Variants in RPS6KB1 observed in about 807,000 individuals in gnomAD.
RPS6KB1 encodes ribosomal protein S6 kinase B1.
In RPS6KB1, 12 loss-of-function variants were observed where a neutral mutation model predicts 70.2. The observed-to-expected ratio is 0.17, with a 90% CI of 0.11 to 0.28. The LOEUF is 0.28. Among genes scored for constraint, RPS6KB1 ranks in the 10% least tolerant of loss-of-function variants. The pLI, the probability that RPS6KB1 is intolerant of heterozygous loss-of-function variation, is 1.00. For missense variants in RPS6KB1, 270 were observed against 646.6 expected (o/e 0.42, Z 6.32); for synonymous variants, 175 against 211.2 (o/e 0.83, Z 1.49).
At chr17:59,930,054 C>G (rs763666497) in intron 5 of RPS6KB1, 63 bp from the exon 6 acceptor site, 23 of 864,218 alleles carry the variant, frequency 2.7e-5, no homozygotes, top group Non-Finnish European at 4.4e-5. Context: ...CAAACTCTCT[C>G]ATTAGAAGTG....
At chr17:59,921,653 T>C (rs2043271455) in intron 4 of RPS6KB1, among the ~76,000 whole-genome samples, 1 of 152,146 alleles carries the variant, frequency 6.6e-6, no homozygotes, top group African/African-American at 2.4e-5. Flanking sequence ...TTACTTCTTA[T>C]AGGAATGGTA....
chr17:59,909,233 T>C (rs2042471586), intron 1 of RPS6KB1, among the ~76,000 whole-genome samples: 1 of 3,072 alleles, frequency 3.3e-4, no homozygotes, highest in Non-Finnish European at 9.3e-4. Flanking sequence ...TGGCTTTTTT[T>C]TTTTTTTTTT....
intron 13 of RPS6KB1, among the ~76,000 whole-genome samples, chr17:59,941,363 T>C (rs1163099019): frequency 6.7e-6 from 1 of 149,524 alleles, no homozygotes; most frequent in Non-Finnish European, 1.5e-5. Context: ...CCTTGTAGCC[T>C]AGGCTGGGTG....
intron 12 of RPS6KB1, among the ~76,000 whole-genome samples, chr17:59,938,184 T>TTTGG (rs1568492712): frequency 3.7e-5 from 4 of 109,134 alleles, no homozygotes; most frequent in Admixed American, 1.0e-4. Flanking sequence ...TTTTTTTTTT[T>TTTGG]GGGGGGGGGA....
At chr17:59,914,389 T>G (rs193258952) in intron 3 of RPS6KB1, among the ~76,000 whole-genome samples, 1 of 152,300 alleles carries the variant, frequency 6.6e-6, no homozygotes, top group African/African-American at 2.4e-5. Flanking sequence ...AAGTAGGATT[T>G]TATATATTAA....
intron 1 of RPS6KB1, among the ~76,000 whole-genome samples, chr17:59,903,160 G>C (rs2042057568): frequency 1.3e-5 from 2 of 151,994 alleles, no homozygotes; most frequent in Admixed American, 6.6e-5. Flanking sequence ...ACAAAAATTA[G>C]CCGGGCGTGG....
intron 12 of RPS6KB1, among the ~76,000 whole-genome samples, chr17:59,940,275 CTTTTTTTTTTTTT>C (rs559026454): frequency 1.2e-5 from 1 of 81,490 alleles, no homozygotes; most frequent in Admixed American, 1.8e-4. Context: ...GATATATTCA[CTTTTTTTTTTTTT>C]TTTTTTTTTT....
intron 1 of RPS6KB1, among the ~76,000 whole-genome samples, chr17:59,900,059 GTGACTCCAGAGGCTGAGAAGAGA>G (rs1327721305): frequency 2.0e-5 from 3 of 151,846 alleles, no homozygotes; most frequent in Non-Finnish European, 4.4e-5. Flanking sequence ...CCTGGCACTA[GTGACTCCAGAGGCTGAGAAGAGA>G]TGATCACTGG....
intron 4 of RPS6KB1, among the ~76,000 whole-genome samples, chr17:59,915,384 GAA>G (rs928379185): frequency 2.0e-5 from 3 of 152,040 alleles, no homozygotes; most frequent in African/African-American, 7.2e-5. Context: ...GGTGAGTGTG[GAA>G]AAGAGAGCTC....
In RPS6KB1 at chr17:59,934,870, A is replaced by G; in HGVS notation, c.871-323A>G. 2.7e-6 allele frequency: 1 copy of G among 370,368 alleles called. No homozygotes were observed. Among genetic ancestry groups the G allele is most frequent in the Non-Finnish European group, 4.9e-6 (1 of 204,206 alleles). 22.9% of individuals were successfully genotyped at this position (370,368 alleles called of 1,614,324 possible). A position where few individuals can be genotyped will look rare whatever the true frequency, so the allele number is the denominator to read the frequency against. On this transcript the variant is annotated intron_variant, in intron 9 of 14. Transcript: ENST00000225577. The surrounding 1 kb of genome is among the most constrained non-coding windows in gnomAD (Gnocchi z 4.8). ...ACAGGCTTCCTTCCAGGACACTGCT[A>G]CTTCCTCTGTCCTGTTGCTTAAAAA...
Position 59,934,650 on chromosome 17 carries a change from G to C in RPS6KB1, c.870+126G>C. ...TTCAAAGCCCAAAGATTTGTTATTA[G>C]CAGTTTAACACTAATAATGCTGTAT... On this transcript the variant is annotated intron_variant, in intron 9 of 14. Coordinates refer to ENST00000225577, the MANE Select transcript of RPS6KB1 (RefSeq NM_003161.4). This position sits in a 1 kb window ranked among gnomAD's most constrained non-coding sequence, Gnocchi z 4.8. 1.5e-6 allele frequency: 1 copy of C among 656,432 alleles called. No individual in the cohort carries two copies. Among genetic ancestry groups the C allele is most frequent in the South Asian group, 1.9e-5 (1 of 51,332 alleles). The allele number at this position is 656,432 out of a possible 1,614,324, so 40.7% of individuals were successfully genotyped here.
intron 4 of RPS6KB1, among the ~76,000 whole-genome samples, chr17:59,919,615 A>G (rs1262018040): frequency 6.6e-6 from 1 of 151,994 alleles, no homozygotes; most frequent in Non-Finnish European, 1.5e-5. Context: ...GACTTTCACT[A>G]AACTCGAGTT....
intron 4 of RPS6KB1, among the ~76,000 whole-genome samples, chr17:59,923,605 C>T (rs2043410345): frequency 2.0e-5 from 3 of 151,902 alleles, no homozygotes; most frequent in Non-Finnish European, 4.4e-5. Flanking sequence ...CCACCTCCTG[C>T]GTTCAAGCAG....
chr17:59,945,534 A>AT lies in RPS6KB1; in HGVS notation c.1340+20dup, dbSNP rs755449539. The AT allele has an allele frequency of 7.0e-7, 1 of 1,429,100 alleles. No individual in the cohort carries two copies. Among genetic ancestry groups the AT allele is most frequent in the African/African-American group, 1.4e-5 (1 of 71,014 alleles). The allele number at this position is 1,429,100 out of a possible 1,614,324, so 88.5% of individuals were successfully genotyped here. A position where few individuals can be genotyped will look rare whatever the true frequency, so the allele number is the denominator to read the frequency against. On this transcript the variant is annotated intron_variant, in intron 14 of 14. Coordinates refer to ENST00000225577, the MANE Select transcript of RPS6KB1 (RefSeq NM_003161.4). Reference sequence around the variant, plus strand: ...CACCTGTCAGGTATTTCACACTCTTATTTTCACTTTTTTTTGTTTTTAAAC... The same window carrying AT: ...CACCTGTCAGGTATTTCACACTCTTATTTTTCACTTTTTTTTGTTTTTAAAC...
At chr17:59,899,073 AG>A (rs1325669483) in intron 1 of RPS6KB1, among the ~76,000 whole-genome samples, 2 of 151,784 alleles carry the variant, frequency 1.3e-5, no homozygotes, top group Non-Finnish European at 2.9e-5. Flanking sequence ...GCCTGGTGTC[AG>A]GCACCTGTAA....
chr17:59,942,670 T>A (rs180517), intron 13 of RPS6KB1, among the ~76,000 whole-genome samples: 1 of 152,124 alleles, frequency 6.6e-6, no homozygotes, highest in South Asian at 2.1e-4. Context: ...CATTGCTCAC[T>A]ATGTAATACA....
Position 59,931,672 on chromosome 17 carries a change from G to A in RPS6KB1, c.638G>A (p.Gly213Glu). Residue 213 changes from glycine to glutamate, a missense_variant, in exon 7 of 15, where the codon GGG (glycine) becomes GAG (glutamate). Physicochemically the swap from Gly to Glu is moderately conservative, Grantham distance 98. Transcript: ENST00000225577. ...GCTTTGGGGCATTTACATCAAAAGGGGATCATCTACAGAGACCTGAAGCCG... is the reference window on the plus strand; with the variant it reads ...GCTTTGGGGCATTTACATCAAAAGGAGATCATCTACAGAGACCTGAAGCCG... ...SMALGHLHQKGIIYRDLKPEN... is the reference protein window; with the variant it reads ...SMALGHLHQKEIIYRDLKPEN... 8.7e-6 allele frequency: 14 copies of A among 1,613,750 alleles called. No homozygotes were observed. Among genetic ancestry groups the A allele is most frequent in the Non-Finnish European group, 1.2e-5 (14 of 1,179,732 alleles).
rs369047442 is a variant in RPS6KB1, at chr17:59,923,349, C to T, written c.382-3086C>T. On this transcript the variant is annotated intron_variant, in intron 4 of 14. Transcript: ENST00000225577. The stretch of plus-strand genomic sequence containing the variant: ...GGGAGTATAGGTGTGTACTATCACA[C>T]GTGGCTAATTCTTGTATTTTTAGTA... 4.3e-4 allele frequency among the ~76,000 whole-genome samples: 66 copies of T among 152,028 alleles called. 1 individual carries two copies. Among genetic ancestry groups the T allele is most frequent in the African/African-American group, 1.6e-3 (66 of 41,470 alleles).
intron 13 of RPS6KB1, among the ~76,000 whole-genome samples, chr17:59,941,859 C>CTTT (rs1197414948): frequency 1.7e-5 from 2 of 117,062 alleles, no homozygotes; most frequent in Non-Finnish European, 3.6e-5. Flanking sequence ...GTCTCGATTT[C>CTTT]TTTTTTTTTT....
Sources: gnomAD v4.1 joint callset for allele counts (sites outside exome capture counted in the v4.1 genomes callset) on GRCh38, gnomAD v4.1.1 for gene constraint, Gnocchi (gnomAD v3.1) non-coding constraint, MANE v1.5 for transcripts, NCBI Gene and HGNC (gene_info 2026-07-23, HGNC 2026-07-21) for gene names.